The following SOX5 variants were observed in gnomAD, a reference collection of about 807,000 sequenced individuals.
The protein encoded by SOX5 is SRY-box transcription factor 5.
Under a neutral mutation model 92.0 loss-of-function variants are expected in SOX5, and 9 were observed. The observed-to-expected ratio is 0.10, with a 90% CI of 0.06 to 0.17. SOX5 has a LOEUF of 0.17. SOX5 is among the 10% of genes least tolerant of loss of function. The probability of loss-of-function intolerance (pLI) is 1.00; values close to 1 mark genes in which losing one functional copy is unlikely to be tolerated. For synonymous variants in SOX5, 344 were observed against 336.3 expected, an observed-to-expected ratio of 1.02 and a Z score of -0.25; for missense variants, 642 against 944.5, an observed-to-expected ratio of 0.68 and a Z score of 4.20.
chr12:24,350,149 C>T (rs1953887493), intron 2 of SOX5, among the ~76,000 whole-genome samples: 1 of 152,154 alleles, frequency 6.6e-6, no homozygotes, highest in East Asian at 1.9e-4. Context: ...ATTTAATATC[C>T]TATTCATTGA....
intron 3 of SOX5, among the ~76,000 whole-genome samples, chr12:23,798,982 T>C (rs1040702226): frequency 3.3e-5 from 5 of 151,928 alleles, no homozygotes; most frequent in African/African-American, 7.2e-5. Flanking sequence ...AAAACCAAGA[T>C]TGGTTCATGA....
chr12:24,030,985 A>G (rs1038262016), intron 4 of SOX5, among the ~76,000 whole-genome samples: 2 of 151,994 alleles, frequency 1.3e-5, no homozygotes, highest in Non-Finnish European at 2.9e-5. Context: ...AATTAAAACT[A>G]CAATGAGGTA....
intron 4 of SOX5, among the ~76,000 whole-genome samples, chr12:24,124,111 T>G (rs1356413727): frequency 6.6e-6 from 1 of 152,218 alleles, no homozygotes; most frequent in Admixed American, 6.5e-5. Flanking sequence ...CTTTTTTTAA[T>G]TAAGAATTTT....
chr12:24,263,057 AC>A (rs1177272078), intron 3 of SOX5, among the ~76,000 whole-genome samples: 3 of 67,618 alleles, frequency 4.4e-5, no homozygotes, highest in Non-Finnish European at 1.2e-4. Context: ...CCTTGTCTCT[AC>A]AAAAAAAAAA....
At chr12:24,331,366 A>G (rs1951283856) in intron 2 of SOX5, 1 of 152,228 alleles carries the variant, frequency 6.6e-6, no homozygotes, top group Non-Finnish European at 1.5e-5. Context: ...TAGGATGGGC[A>G]GCCGTAGAGT....
intron 9 of SOX5, among the ~76,000 whole-genome samples, chr12:23,594,444 C>T (rs1241689938): frequency 6.6e-6 from 1 of 152,102 alleles, no homozygotes; most frequent in African/African-American, 2.4e-5. Flanking sequence ...TCTCCAACAG[C>T]AACATCCAGG....
chr12:23,939,851 A>G (rs1469895325), intron 1 of SOX5, among the ~76,000 whole-genome samples: 1 of 151,098 alleles, frequency 6.6e-6, no homozygotes, highest in Non-Finnish European at 1.5e-5. Context: ...AGTATAATGC[A>G]TATCAAATTG....
chr12:23,989,250 G>C (rs1322125161), intron 4 of SOX5, among the ~76,000 whole-genome samples: 1 of 150,794 alleles, frequency 6.6e-6, no homozygotes, highest in Admixed American at 6.6e-5. Flanking sequence ...AAATTAGCTA[G>C]GCGTGGTGTT....
intron 2 of SOX5, among the ~76,000 whole-genome samples, chr12:24,333,020 A>C (rs919061873): frequency 1.3e-5 from 2 of 152,138 alleles, no homozygotes; most frequent in Non-Finnish European, 2.9e-5. Context: ...ATTTGCTTAA[A>C]GATTTTTGGA....
intron 2 of SOX5, among the ~76,000 whole-genome samples, chr12:23,859,169 G>A (rs1028133183): frequency 6.6e-6 from 1 of 152,114 alleles, no homozygotes; most frequent in African/African-American, 2.4e-5. Flanking sequence ...TAACCATAAG[G>A]TCTGGCTGCC....
At chr12:24,484,763 CT>C (rs1946345174) in intron 1 of SOX5, among the ~76,000 whole-genome samples, 1 of 152,154 alleles carries the variant, frequency 6.6e-6, no homozygotes, top group African/African-American at 2.4e-5. Context: ...CACTCAGGAC[CT>C]TTTTCCATCA....
At chr12:23,694,907 T>G (rs563440611) in intron 6 of SOX5, among the ~76,000 whole-genome samples, 2 of 152,076 alleles carry the variant, frequency 1.3e-5, no homozygotes, top group African/African-American at 4.8e-5. Context: ...TCACCTGAGC[T>G]CAGGAGTTTC....
chr12:23,553,328 T>G (rs1944548794), intron 11 of SOX5, among the ~76,000 whole-genome samples: 1 of 151,952 alleles, frequency 6.6e-6, no homozygotes, highest in Admixed American at 6.6e-5. Flanking sequence ...CATTATGAAT[T>G]TAGTCCTTAA....
At chr12:24,135,530 T>C (rs1204456558) in intron 4 of SOX5, among the ~76,000 whole-genome samples, 1 of 152,236 alleles carries the variant, frequency 6.6e-6, no homozygotes, top group Non-Finnish European at 1.5e-5. Flanking sequence ...TGGCGTTCTG[T>C]GAAAGATAAA....
At chr12:23,711,542 T>A (rs533515886) in intron 6 of SOX5, among the ~76,000 whole-genome samples, 1 of 152,178 alleles carries the variant, frequency 6.6e-6, no homozygotes. Flanking sequence ...ATTAATAGCC[T>A]GTTTCTAGTA....
intron 9 of SOX5, among the ~76,000 whole-genome samples, chr12:23,598,280 G>A (rs1351799356): frequency 1.3e-5 from 2 of 151,158 alleles, no homozygotes; most frequent in East Asian, 1.9e-4. Flanking sequence ...TGGTTATATT[G>A]AGCAGTGCTT....
At chr12:24,235,896 A>T (rs185532554) in intron 3 of SOX5, among the ~76,000 whole-genome samples, 3 of 152,304 alleles carry the variant, frequency 2.0e-5, no homozygotes, top group Admixed American at 2.0e-4. Flanking sequence ...TGGCAGTAAT[A>T]AAGAAGTAAC....
At chr12:24,051,316 C>G (rs1199608263) in intron 4 of SOX5, among the ~76,000 whole-genome samples, 1 of 151,974 alleles carries the variant, frequency 6.6e-6, no homozygotes, top group African/African-American at 2.4e-5. Context: ...TTTAATAAGA[C>G]TAACATAATT....
intron 2 of SOX5, among the ~76,000 whole-genome samples, chr12:24,319,936 C>T (rs1384263921): frequency 6.6e-6 from 1 of 152,192 alleles, no homozygotes; most frequent in Admixed American, 6.5e-5. Flanking sequence ...ACAATTCCTT[C>T]ATTTGTTTAG....
Sources: gnomAD v4.1 joint callset for allele counts (sites outside exome capture counted in the v4.1 genomes callset) on GRCh38, gnomAD v4.1.1 for gene constraint, MANE v1.5 for transcripts, NCBI Gene and HGNC (gene_info 2026-07-23, HGNC 2026-07-21) for gene names.